GAGE13: variants seen among roughly 807,000 people sequenced by gnomAD.
GAGE13 encodes G antigen 13, also known as G antigen 12A.
intron 3 of GAGE13, among the ~76,000 whole-genome samples, chrX:49,335,137 T>TCACACACACA (rs1373587490): frequency 1.2e-3 from 12 of 9,942 alleles, no homozygotes; most frequent in Non-Finnish European, 2.4e-3. Context: ...GCCCACACAC[T>TCACACACACA]CACACACACA....
chrX:49,337,626 A>G (rs1557127564), intron 4 of GAGE13, among the ~76,000 whole-genome samples: 2 of 56,557 alleles, frequency 3.5e-5, no homozygotes, highest in African/African-American at 1.1e-4. Context: ...CTGGCTTTTA[A>G]TGAACAATTG....
intron 1 of GAGE13, among the ~76,000 whole-genome samples, chrX:49,331,979 G>A (rs2066465226): frequency 1.2e-5 from 1 of 80,569 alleles, no homozygotes; most frequent in African/African-American, 3.4e-5. Context: ...GGGAACCCCC[G>A]ACGACACAGG....
intron 1 of GAGE13, among the ~76,000 whole-genome samples, chrX:49,332,097 G>T (rs1259967624): frequency 1.2e-5 from 1 of 80,640 alleles, no homozygotes; most frequent in Admixed American, 1.3e-4. Context: ...GCGGTGTGGA[G>T]TGCGGAGCGC....
At chrX:49,337,650 T>TTTTA (rs1328822471) in intron 4 of GAGE13, among the ~76,000 whole-genome samples, 2,429 of 58,377 alleles carry the variant, frequency 0.042, 363 homozygotes, top group African/African-American at 0.11. Flanking sequence ...CTTTTTTTTC[T>TTTTA]TTTATTTATT....
intron 4 of GAGE13, among the ~76,000 whole-genome samples, chrX:49,337,685 G>A (rs1469405188): frequency 0.15 from 5,330 of 35,032 alleles, 1,029 homozygotes; most frequent in African/African-American, 0.33. Flanking sequence ...TTTATTTATT[G>A]TTATACTTTA....
intron 1 of GAGE13, among the ~76,000 whole-genome samples, chrX:49,332,014 G>T (rs1433756089): frequency 1.2e-5 from 1 of 80,557 alleles, no homozygotes; most frequent in Non-Finnish European, 3.2e-5. Flanking sequence ...TGGGGTCCCC[G>T]GCGGGGGCGA....
chrX:49,335,076 A>T (rs2066479659), intron 3 of GAGE13, among the ~76,000 whole-genome samples: 1 of 100,781 alleles, frequency 9.9e-6, no homozygotes, highest in African/African-American at 3.5e-5. Context: ...AATTGTTAAT[A>T]GCTTTCGCTT....
At chrX:49,337,714 C>T (rs2066489046) in intron 4 of GAGE13, among the ~76,000 whole-genome samples, 1 of 60,296 alleles carries the variant, frequency 1.7e-5, no homozygotes, top group East Asian at 4.1e-4. Context: ...GGTACATGTG[C>T]ACGTTGTGCA....
intron 4 of GAGE13, among the ~76,000 whole-genome samples, chrX:49,337,758 G>T (rs1241214278): frequency 5.6e-4 from 33 of 58,451 alleles, no homozygotes; most frequent in Admixed American, 2.4e-3. Context: ...TGCCATGCTG[G>T]TGCGCTGCAC....
intron 4 of GAGE13, among the ~76,000 whole-genome samples, chrX:49,337,720 G>A (rs1452525184): frequency 1.7e-5 from 1 of 60,432 alleles, no homozygotes; most frequent in Non-Finnish European, 3.7e-5. Context: ...TGTGCACGTT[G>A]TGCAGGTTAG....
chrX:49,335,083 G>A (rs1294145215), intron 3 of GAGE13, among the ~76,000 whole-genome samples: 4 of 100,412 alleles, frequency 4.0e-5, no homozygotes, highest in Non-Finnish European at 8.3e-5. Context: ...AATAGCTTTC[G>A]CTTCATCAGT....
chrX:49,335,178 C>A (rs1208192135), intron 3 of GAGE13, among the ~76,000 whole-genome samples: 1 of 107,645 alleles, frequency 9.3e-6, no homozygotes, highest in Non-Finnish European at 1.9e-5. Context: ...TATATGTTTA[C>A]TGTTATTAAT....
intron 3 of GAGE13, among the ~76,000 whole-genome samples, chrX:49,335,184 T>G (rs1314079929): frequency 9.2e-6 from 1 of 108,378 alleles, no homozygotes; most frequent in Non-Finnish European, 1.9e-5. Context: ...TTTACTGTTA[T>G]TAATGCTGAA....
At chrX:49,335,178 C>G (rs1208192135) in intron 3 of GAGE13, among the ~76,000 whole-genome samples, 1 of 107,674 alleles carries the variant, frequency 9.3e-6, no homozygotes, top group South Asian at 4.0e-4. Flanking sequence ...TATATGTTTA[C>G]TGTTATTAAT....
intron 3 of GAGE13, among the ~76,000 whole-genome samples, chrX:49,335,380 C>G (rs1490582349): frequency 1.9e-4 from 21 of 110,278 alleles, no homozygotes; most frequent in African/African-American, 6.7e-4. Flanking sequence ...TGCCAGTTCC[C>G]CAGAAAATTT....
chrX:49,335,119 A>T (rs1308635073), intron 3 of GAGE13, among the ~76,000 whole-genome samples: 1 of 52,180 alleles, frequency 1.9e-5, no homozygotes, highest in Non-Finnish European at 4.2e-5. Flanking sequence ...TCCGTCTCTT[A>T]CCGTGCTGCC....
chrX:49,332,160 A>C (rs1460335828), intron 1 of GAGE13, among the ~76,000 whole-genome samples: 8 of 80,715 alleles, frequency 9.9e-5, no homozygotes, highest in Admixed American at 2.5e-4. Context: ...GTCCGAAAAC[A>C]GTGGGAAGGA....
intron 3 of GAGE13, among the ~76,000 whole-genome samples, chrX:49,335,121 C>T (rs1403199890): frequency 2.3e-5 from 1 of 43,654 alleles, no homozygotes; most frequent in East Asian, 8.4e-4. Flanking sequence ...CGTCTCTTAC[C>T]GTGCTGCCCA....
At chrX:49,337,684 T>TTATC (rs2066488826) in intron 4 of GAGE13, among the ~76,000 whole-genome samples, 12 of 62,675 alleles carry the variant, frequency 1.9e-4, no homozygotes, top group African/African-American at 5.3e-4. Flanking sequence ...ATTTATTTAT[T>TTATC]GTTATACTTT....
Sources: allele counts gnomAD v4.1 joint callset (sites outside exome capture counted in the v4.1 genomes callset), GRCh38; gene constraint gnomAD v4.1.1; transcripts MANE v1.5; gene names NCBI Gene and HGNC (gene_info 2026-07-23, HGNC 2026-07-21).